The following MALRD1 variants were observed in gnomAD, a reference collection of about 807,000 sequenced individuals.
MALRD1 encodes the protein MAM and LDL-receptor class A domain-containing protein 1.
MALRD1 carries 247 observed loss-of-function variants against 242.1 expected under a neutral mutation model. The observed-to-expected ratio is 1.02, with a 90% CI of 0.92 to 1.13. The LOEUF is 1.13. Among genes scored for constraint, MALRD1 ranks in the 50% most tolerant of loss-of-function variants. MALRD1 has a pLI of 0.00. For missense variants in MALRD1, 2,989 were observed against 2,533.1 expected (o/e 1.18, Z -3.86); for synonymous variants, 995 against 866.6 (o/e 1.15, Z -2.60).
At chr10:19,577,449 G>C (rs1394752994) in intron 33 of MALRD1, among the ~76,000 whole-genome samples, 1 of 152,138 alleles carries the variant, frequency 6.6e-6, no homozygotes, top group Non-Finnish European at 1.5e-5. Context: ...TTCCCTGCTT[G>C]TCAGCCTTTG....
chr10:19,355,858 T>TATATGATATATATATATATA lies in MALRD1; in HGVS notation c.4441+3561_4441+3562insATATGATATATATATATATA, dbSNP rs57813656. Among the ~76,000 whole-genome samples, 41 of 94,944 alleles carry TATATGATATATATATATATA rather than the reference T, an allele frequency of 4.3e-4. 2 individuals are homozygous for TATATGATATATATATATATA. Among genetic ancestry groups the TATATGATATATATATATATA allele is most frequent in the African/African-American group, 1.4e-3 (38 of 27,202 alleles). 62.3% of individuals were successfully genotyped at this position (94,944 alleles called of 152,430 possible). ...AGAACATATATTATATATATATATATTATATATGATATATATTAGCTAAGC... is the reference window on the plus strand; with the variant it reads ...AGAACATATATTATATATATATATATATATGATATATATATATATATATATATGATATATATTAGCTAAGC... On this transcript the variant is annotated intron_variant, in intron 26 of 39. Transcript: ENST00000454679.
intron 28 of MALRD1, among the ~76,000 whole-genome samples, chr10:19,400,849 C>T (rs997723704): frequency 6.6e-6 from 1 of 151,948 alleles, no homozygotes; most frequent in Non-Finnish European, 1.5e-5. Flanking sequence ...AACCCTACCT[C>T]TAGTAAAAAT....
chr10:19,164,454 GA>G (rs1250925093), intron 12 of MALRD1, among the ~76,000 whole-genome samples: 1 of 152,064 alleles, frequency 6.6e-6, no homozygotes, highest in African/African-American at 2.4e-5. Context: ...TAATGAACCT[GA>G]AAAAATGTCA....
At chr10:19,348,398 C>T (rs988970033) in intron 25 of MALRD1, among the ~76,000 whole-genome samples, 12 of 151,692 alleles carry the variant, frequency 7.9e-5, no homozygotes, top group Non-Finnish European at 1.5e-4. Flanking sequence ...AAACAACAGT[C>T]AGAATATAAT....
intron 32 of MALRD1, among the ~76,000 whole-genome samples, chr10:19,551,458 C>G (rs1441753746): frequency 6.6e-6 from 1 of 152,098 alleles, no homozygotes; most frequent in Non-Finnish European, 1.5e-5. Context: ...GATTTTGTAT[C>G]TTTAGACTTT....
chr10:19,155,595 C>T (rs1486653673), intron 12 of MALRD1, among the ~76,000 whole-genome samples: 1 of 152,146 alleles, frequency 6.6e-6, no homozygotes, highest in Non-Finnish European at 1.5e-5. Flanking sequence ...CAAACACAAA[C>T]TAAGGAGTGA....
intron 1 of MALRD1, among the ~76,000 whole-genome samples, chr10:19,056,204 G>T (rs1195444187): frequency 1.3e-5 from 2 of 151,104 alleles, no homozygotes; most frequent in African/African-American, 4.9e-5. Context: ...ATGGATTTAA[G>T]TTTTTTTTTC....
chr10:19,257,533 C>A, intron 18 of MALRD1, 151 bp from the exon 19 acceptor site: 1 of 526,000 alleles, frequency 1.9e-6, no homozygotes, highest in Non-Finnish European at 3.2e-6. Flanking sequence ...GCAAGATGAC[C>A]ACTTCTGGAG....
At chr10:19,380,093 G>C (rs1040380213) in intron 26 of MALRD1, among the ~76,000 whole-genome samples, 1 of 149,966 alleles carries the variant, frequency 6.7e-6, no homozygotes, top group African/African-American at 2.5e-5. Flanking sequence ...TCCTGCCTTA[G>C]CCTCCCAAGT....
chr10:19,358,193 CAAGTGTGTGT>C (rs1216033873), intron 26 of MALRD1, among the ~76,000 whole-genome samples: 45 of 89,678 alleles, frequency 5.0e-4, no homozygotes, highest in South Asian at 1.8e-3. Context: ...GGGCAGGAGT[CAAGTGTGTGT>C]GTGTGTGTGT....
intron 28 of MALRD1, among the ~76,000 whole-genome samples, chr10:19,442,940 A>G (rs562848054): frequency 6.6e-6 from 1 of 152,258 alleles, no homozygotes; most frequent in South Asian, 2.1e-4. Flanking sequence ...CTGTGAATCC[A>G]TCTCGTCCTG....
intron 18 of MALRD1, among the ~76,000 whole-genome samples, chr10:19,232,478 CA>C (rs1424080431): frequency 6.6e-6 from 1 of 151,752 alleles, no homozygotes; most frequent in Admixed American, 6.6e-5. Flanking sequence ...ACTCCTGGCC[CA>C]AAGTTCATAT....
At chr10:19,507,665 T>C (rs7474936) in intron 31 of MALRD1, among the ~76,000 whole-genome samples, 33,170 of 152,120 alleles carry the variant, frequency 0.22, 5,268 homozygotes, top group African/African-American at 0.46. Flanking sequence ...CTGTTTAATA[T>C]TGGTTAGTGT....
In MALRD1 at chr10:19,692,462, A is replaced by T; in HGVS notation, c.6222A>T (p.Thr2074=). 6.5e-7 allele frequency: 1 copy of T among 1,535,556 alleles called. No homozygotes were observed. The highest frequency in any genetic ancestry group is 8.7e-7 in the Non-Finnish European group (1 of 1,146,352). ...ATDFTYAQNN[T]WTLLGIGLAF... is the part of the protein sequence containing the mutation. Reference sequence around the variant, plus strand: ...TTCTTTGGTTTAAAATTCCAGATACATGGACTCTCCTGGGTATTGGATTAG... The same window carrying T: ...TTCTTTGGTTTAAAATTCCAGATACTTGGACTCTCCTGGGTATTGGATTAG... Residue 2074 remains threonine, a synonymous_variant, in exon 38 of 40, where the codon ACA becomes ACT. Transcript: ENST00000454679.
chr10:19,403,383 A>G (rs2130860490), intron 28 of MALRD1, among the ~76,000 whole-genome samples: 1 of 152,280 alleles, frequency 6.6e-6, no homozygotes, highest in South Asian at 2.1e-4. Flanking sequence ...CTCATTGAGG[A>G]CTTTGTTATA....
At chr10:19,262,996 T>A (rs1256950297) in intron 19 of MALRD1, among the ~76,000 whole-genome samples, 1 of 152,348 alleles carries the variant, frequency 6.6e-6, no homozygotes, top group East Asian at 1.9e-4. Flanking sequence ...TGTTCCAATG[T>A]ACATATATAT....
intron 28 of MALRD1, among the ~76,000 whole-genome samples, chr10:19,407,443 CT>C: frequency 6.6e-6 from 1 of 151,994 alleles, no homozygotes; most frequent in Non-Finnish European, 1.5e-5. Context: ...GATTGTGCCA[CT>C]GCACTCCAGT....
chr10:19,085,112 T>C (rs1459556506), intron 2 of MALRD1, among the ~76,000 whole-genome samples: 1 of 152,000 alleles, frequency 6.6e-6, no homozygotes, highest in East Asian at 1.9e-4. Context: ...AGAGAGAATA[T>C]TCAATATAAA....
chr10:19,613,730 A>G (rs1839006037), intron 35 of MALRD1, among the ~76,000 whole-genome samples: 1 of 152,104 alleles, frequency 6.6e-6, no homozygotes, highest in African/African-American at 2.4e-5. Context: ...GGGCCGATGT[A>G]ACCCAGAAGC....
Sources: allele counts gnomAD v4.1 joint callset (sites outside exome capture counted in the v4.1 genomes callset), GRCh38; gene constraint gnomAD v4.1.1; transcripts MANE v1.5; gene names NCBI Gene and HGNC (gene_info 2026-07-23, HGNC 2026-07-21).